SLC30A5: variants seen among roughly 807,000 people sequenced by gnomAD.
The protein encoded by SLC30A5 is proton-coupled zinc antiporter SLC30A5.
SLC30A5 carries 33 observed loss-of-function variants against 79.6 expected under a neutral mutation model. The ratio of observed to expected loss-of-function variants is 0.41; its 90% CI spans 0.31 to 0.55. The LOEUF (loss-of-function observed/expected upper bound fraction) is 0.55. Among genes scored for constraint, SLC30A5 ranks in the 20% least tolerant of loss-of-function variants. SLC30A5 has a pLI of 0.20. For missense variants in SLC30A5, 788 were observed against 928.1 expected (o/e 0.85, Z 1.96); for synonymous variants, 299 against 319.7 (o/e 0.94, Z 0.69).
intron 14 of SLC30A5, among the ~76,000 whole-genome samples, chr5:69,124,070 G>A (rs1176701103): frequency 1.6e-5 from 2 of 127,674 alleles, no homozygotes; most frequent in African/African-American, 3.1e-5. Context: ...CCGAGACCAC[G>A]CCACTACACT....
In SLC30A5 at chr5:69,116,023, T is replaced by A; in HGVS notation, c.881T>A (p.Val294Asp). The change falls in exon 9 of 16, where the codon GTC becomes GAC. Residue 294 changes from valine (V) to aspartate (D), a missense_variant. Val to Asp is a radical substitution (Grantham distance 152). Around this residue, in one of 3 missense-constraint regions of SLC30A5, gnomAD observed 626 missense variants for 755.5 expected, o/e 0.83. Transcript: ENST00000396591. This position sits in a 1 kb window ranked among gnomAD's most constrained non-coding sequence, Gnocchi z 4.0. ...LDFYVDSICS[V>D]KMEVSKCARY... is the part of the protein sequence containing the mutation. ...TTCTACGTGGATTCCATTTGTTCAG[T>A]CAAAATGGAAGTTTCCAAATGTGCT... 6.2e-7 allele frequency: 1 copy of A among 1,614,124 alleles called. No individual in the cohort carries two copies. Among genetic ancestry groups the A allele is most frequent in the Non-Finnish European group, 8.5e-7 (1 of 1,179,956 alleles).
chr5:69,113,542 T>C (rs923544597), intron 6 of SLC30A5, among the ~76,000 whole-genome samples: 1 of 152,194 alleles, frequency 6.6e-6, no homozygotes, highest in Non-Finnish European at 1.5e-5. Flanking sequence ...TGCTCCCTTA[T>C]AATTTAACAA....
intron 15 of SLC30A5, 23 bp from the exon 16 acceptor site, chr5:69,129,424 A>G (rs769976834): frequency 1.3e-6 from 2 of 1,591,626 alleles, no homozygotes; most frequent in Non-Finnish European, 8.6e-7. Context: ...AAATGCTTCA[A>G]AATATCTGGA....
rs1746825227 is a variant in SLC30A5, at chr5:69,130,687, A to G, written c.*1070A>G. 1 of 152,080 alleles carries G rather than the reference A, an allele frequency of 6.6e-6. No individual in the cohort carries two copies. Among genetic ancestry groups the G allele is most frequent in the African/African-American group, 2.4e-5 (1 of 41,412 alleles). 9.4% of individuals were successfully genotyped at this position (152,080 alleles called of 1,614,324 possible). ...CTTTCTATAGTCATATCTAATTTAT[A>G]TTTTTTTCATTTCCAGTTGTAACTA... On this transcript the variant is annotated 3_prime_UTR_variant, in exon 16 of 16. Coordinates refer to ENST00000396591, the MANE Select transcript of SLC30A5 (RefSeq NM_022902.5).
At chr5:69,100,193 C>T (rs1244725492) in intron 1 of SLC30A5, among the ~76,000 whole-genome samples, 2 of 152,242 alleles carry the variant, frequency 1.3e-5, no homozygotes, top group African/African-American at 2.4e-5. Flanking sequence ...GTCTTGAGTT[C>T]CAGACTTCAG....
At chr5:69,108,261 T>C in intron 4 of SLC30A5, 88 bp from the exon 5 acceptor site, 1 of 995,130 alleles carries the variant, frequency 1.0e-6, no homozygotes, top group South Asian at 1.4e-5. Context: ...CAAGGGGAAA[T>C]GTTTTTCTTT....
chr5:69,115,276 G>T lies in SLC30A5; in HGVS notation c.652G>T (p.Val218Phe), dbSNP rs756784471. 2 of 1,613,040 alleles carry T rather than the reference G, an allele frequency of 1.2e-6. No individual in the cohort carries two copies. The highest frequency in any genetic ancestry group is 2.7e-5 in the African/African-American group (2 of 74,818). Reference sequence around the variant, plus strand: ...GCTAGTACTGGCTTTGTGTTGTAAAGTTGGTTTTCATACAGCTTCCAGAAA... The same window carrying T: ...GCTAGTACTGGCTTTGTGTTGTAAATTTGGTTTTCATACAGCTTCCAGAAA... ...LLLVLALCCKVGFHTASRKLS... is the reference protein window; with the variant it reads ...LLLVLALCCKFGFHTASRKLS... Residue 218 changes from valine to phenylalanine, a missense_variant, in exon 8 of 16, where the codon GTT (valine) becomes TTT (phenylalanine). By Grantham distance (50) the Val-to-Phe change is conservative (BLOSUM62 -1). Transcript: ENST00000396591.
chr5:69,129,666 C>T lies in SLC30A5; in HGVS notation c.*49C>T, dbSNP rs1013883916. On this transcript the variant is annotated 3_prime_UTR_variant, in exon 16 of 16. Transcript: ENST00000396591. ...AGAATAAACAATGAAGATTAAATGA[C>T]TCAGTATTTGTAATATTGCCAGAAG... The T allele has an allele frequency of 6.6e-7, 1 of 1,511,870 alleles. No individual in the cohort carries two copies. Among genetic ancestry groups the T allele is most frequent in the Admixed American group, 1.9e-5 (1 of 51,376 alleles). The allele number at this position is 1,511,870 out of a possible 1,614,324, so 93.7% of individuals were successfully genotyped here.
intron 1 of SLC30A5, among the ~76,000 whole-genome samples, chr5:69,096,303 A>C (rs555415633): frequency 3.9e-5 from 6 of 152,232 alleles, no homozygotes; most frequent in Non-Finnish European, 8.8e-5. Context: ...TAAAGGATAT[A>C]CTACTCTTGT....
Position 69,102,009 on chromosome 5 carries a change from AAG to A in SLC30A5, c.207-1049_207-1048del, listed in dbSNP as rs532256692. 1.1e-4 allele frequency among the ~76,000 whole-genome samples: 16 copies of A among 150,440 alleles called. No individual in the cohort carries two copies. The East Asian group carries it at 2.5e-3, about 24-fold the overall frequency. On this transcript the variant is annotated intron_variant, in intron 2 of 15. Transcript: ENST00000396591. ...GAAGTATAATTTTGGTAAGTTGGGA[AAG>A]AGATTATTGACTAGGAAATATTAAG... is the stretch of plus-strand genomic sequence containing the variant.
chr5:69,103,347 T>G (rs1745986981), intron 3 of SLC30A5, among the ~76,000 whole-genome samples: 1 of 152,088 alleles, frequency 6.6e-6, no homozygotes, highest in Non-Finnish European at 1.5e-5. Flanking sequence ...GTAAAAAAAA[T>G]TATAAAGCAT....
At chr5:69,110,902 A>T (rs1746211715) in intron 5 of SLC30A5, among the ~76,000 whole-genome samples, 1 of 152,258 alleles carries the variant, frequency 6.6e-6, no homozygotes, top group African/African-American at 2.4e-5. Context: ...ATTTAAAAAA[A>T]AAGTTTTCCT....
At chr5:69,113,251 G>A in intron 6 of SLC30A5, 24 bp downstream of exon 6, 2 of 1,577,220 alleles carry the variant, frequency 1.3e-6, no homozygotes, top group Non-Finnish European at 1.7e-6. Flanking sequence ...ATAGATCAGA[G>A]TTGTTTCAAG....
intron 2 of SLC30A5, among the ~76,000 whole-genome samples, chr5:69,101,685 G>A (rs926522859): frequency 5.3e-5 from 8 of 151,712 alleles, no homozygotes; most frequent in Non-Finnish European, 8.8e-5. Context: ...AGCTGGGCAC[G>A]GTGGCTCATG....
chr5:69,120,338 C>A (rs935092595), intron 12 of SLC30A5, among the ~76,000 whole-genome samples: 1 of 150,892 alleles, frequency 6.6e-6, no homozygotes. Flanking sequence ...AAGCCGAGAT[C>A]ATGCCACTGC....
At chr5:69,102,859 C>CAA (rs35509140) in intron 2 of SLC30A5, 727 of 133,658 alleles carry the variant, frequency 5.4e-3, no homozygotes, top group Middle Eastern at 0.01. Flanking sequence ...GACTCCATCT[C>CAA]AAAAAAAAAA....
chr5:69,121,247 G>A (rs1247581355), intron 12 of SLC30A5, among the ~76,000 whole-genome samples: 1 of 152,120 alleles, frequency 6.6e-6, no homozygotes. Flanking sequence ...GACATAATAA[G>A]ACCATATTTG....
At position 69,095,080 on chromosome 5, in the gene SLC30A5, T is replaced by C. The variant is rs144451480; in HGVS notation, c.83+742T>C. Among the ~76,000 whole-genome samples, 227 of 152,296 alleles carry C rather than the reference T, an allele frequency of 1.5e-3. 2 individuals are homozygous for C. The highest frequency in any genetic ancestry group is 5.3e-3 in the African/African-American group (219 of 41,558). On this transcript the variant is annotated intron_variant, in intron 1 of 15. Coordinates refer to ENST00000396591, the MANE Select transcript of SLC30A5 (RefSeq NM_022902.5). The stretch of plus-strand genomic sequence containing the variant: ...GCAATTTGGCTGGAACTGGTGTTCT[T>C]TGCCTCCATTTTTAACGAGTTCTTC...
At chr5:69,102,066 T>G (rs1197522334) in intron 2 of SLC30A5, among the ~76,000 whole-genome samples, 2 of 141,010 alleles carry the variant, frequency 1.4e-5, no homozygotes, top group African/African-American at 2.7e-5. Context: ...TTTTTTTTTT[T>G]TTTTTTTGAG....
Sources: allele counts gnomAD v4.1 joint callset (sites outside exome capture counted in the v4.1 genomes callset), GRCh38; gene constraint gnomAD v4.1.1; regional missense constraint gnomAD v4.1.1; non-coding constraint Gnocchi (gnomAD v3.1); transcripts MANE v1.5; gene names NCBI Gene and HGNC (gene_info 2026-07-23, HGNC 2026-07-21).